Variants in ZNF782 observed in about 807,000 individuals in gnomAD.
ZNF782 encodes zinc finger protein 782.
A neutral mutation model predicts 13.0 loss-of-function variants in ZNF782; 12 were observed. The observed-to-expected ratio is 0.92, with a 90% CI of 0.59 to 1.50. The LOEUF (loss-of-function observed/expected upper bound fraction) is 1.50, where lower values mean the gene tolerates loss of function less well. Among genes scored for constraint, ZNF782 ranks in the 40% most tolerant of loss-of-function variants. ZNF782 has a pLI of 0.00. For synonymous variants in ZNF782, 284 were observed against 283.0 expected, an observed-to-expected ratio of 1.00 and a Z score of -0.04; for missense variants, 770 against 822.9, an observed-to-expected ratio of 0.94 and a Z score of 0.79.
the ZNF782 span, among the ~76,000 whole-genome samples, chr9:96,883,771 A>C: frequency 6.6e-6 from 1 of 152,242 alleles, no homozygotes; most frequent in Non-Finnish European, 1.5e-5. Context: ...CAAGCATAGC[A>C]AAACTCTGAA....
At chr9:96,903,551 T>A in the ZNF782 span, among the ~76,000 whole-genome samples, 1 of 121,614 alleles carries the variant, frequency 8.2e-6, no homozygotes, top group African/African-American at 3.4e-5. Context: ...TTTAATTTTA[T>A]GTTGGTTTTT....
chr9:96,818,652 T>C lies in ZNF782; in HGVS notation c.1371A>G (p.Lys457=). The C allele has an allele frequency of 3.7e-6, 6 of 1,614,198 alleles. No individual in the cohort carries two copies. Among genetic ancestry groups the C allele is most frequent in the Non-Finnish European group, 5.1e-6 (6 of 1,180,024 alleles). ...EKPFECHECG[K]SFNYKSILIV... Reference sequence around the variant, plus strand: ...TGAGGATTGACTTATAGTTAAAAGATTTCCCACATTCATGACATTCGAATG... The same window carrying C: ...TGAGGATTGACTTATAGTTAAAAGACTTCCCACATTCATGACATTCGAATG... Residue 457 remains lysine (K), a synonymous_variant, in exon 6 of 6, where the codon AAA becomes AAG. Coordinates refer to ENST00000481138, the MANE Select transcript of ZNF782 (RefSeq NM_001001662.3).
the ZNF782 span, among the ~76,000 whole-genome samples, chr9:96,911,902 A>T: frequency 6.6e-6 from 1 of 151,998 alleles, no homozygotes; most frequent in Non-Finnish European, 1.5e-5. Context: ...GGTTTATATG[A>T]TTTGGTTAAA....
Position 96,827,168 on chromosome 9 carries a change from T to C in ZNF782, c.156A>G (p.Thr52=). 1 of 1,610,352 alleles carries C rather than the reference T, an allele frequency of 6.2e-7. No homozygotes were observed. The highest frequency in any genetic ancestry group is 1.1e-5 in the South Asian group (1 of 90,434). The change falls in exon 5 of 6, where the codon ACA becomes ACG. Residue 52 remains threonine (T), a synonymous_variant. Coordinates refer to ENST00000481138, the MANE Select transcript of ZNF782 (RefSeq NM_001001662.3). ...CCAATGTGAAGATCAGTTCTGGTTT[T>C]GTAAAGCAGTAGCCTATAAATGGGA... is the stretch of plus-strand genomic sequence containing the variant. ...SHLVSVGYCF[T]KPELIFTLEQ... is the part of the protein sequence containing the mutation.
the ZNF782 span, chr9:96,910,145 G>T: frequency 2.5e-6 from 2 of 812,190 alleles, no homozygotes; most frequent in Non-Finnish European, 4.1e-6. Flanking sequence ...GAAGGAAGTT[G>T]TGAAAGAGGC....
chr9:96,856,367 T>C (rs1851642489), upstream of ZNF782, among the ~76,000 whole-genome samples: 1 of 152,244 alleles, frequency 6.6e-6, no homozygotes, highest in Admixed American at 6.5e-5. Context: ...GGTTATTAGA[T>C]GGGAGAACAT....
intron 1 of ZNF782, among the ~76,000 whole-genome samples, chr9:96,872,463 G>A (rs1192716619): frequency 3.3e-5 from 5 of 152,032 alleles, no homozygotes; most frequent in African/African-American, 7.2e-5. Context: ...CCTGAGGGGC[G>A]GAGGTTGCAG....
chr9:96,929,503 G>T, the ZNF782 span, among the ~76,000 whole-genome samples: 1 of 151,796 alleles, frequency 6.6e-6, no homozygotes, highest in Non-Finnish European at 1.5e-5. Flanking sequence ...GTCTCAGCCA[G>T]AAAACTGTTG....
upstream of ZNF782, among the ~76,000 whole-genome samples, chr9:96,879,625 G>A (rs937483085): frequency 2.6e-5 from 4 of 152,352 alleles, no homozygotes; most frequent in African/African-American, 7.2e-5. Flanking sequence ...CATTATCACC[G>A]CCAGGGTTGA....
chr9:96,879,249 G>A (rs1851932903), upstream of ZNF782, among the ~76,000 whole-genome samples: 1 of 152,232 alleles, frequency 6.6e-6, no homozygotes, highest in South Asian at 2.1e-4. Context: ...AGCACTTTGG[G>A]AGGCTTAGGC....
chr9:96,838,752 G>A lies in ZNF782; in HGVS notation c.142+6138C>T, dbSNP rs1322991806. ...TTTTTTGAGACAGAGTCTTGCTCTT[G>A]TTGCCCAGGCTGGAGTGCAGTGGAG... is the stretch of plus-strand genomic sequence containing the variant. On this transcript the variant is annotated intron_variant, in intron 4 of 5. Transcript: ENST00000481138. Among the ~76,000 whole-genome samples the A allele has an allele frequency of 2.2e-5, 3 of 137,536 alleles. No individual in the cohort carries two copies. In the East Asian group the frequency reaches 6.4e-4, roughly 29 times the overall value. 90.2% of individuals were successfully genotyped at this position (137,536 alleles called of 152,430 possible). A position where few individuals can be genotyped will look rare whatever the true frequency, so the allele number is the denominator to read the frequency against.
intron 1 of ZNF782, among the ~76,000 whole-genome samples, chr9:96,874,650 C>G (rs575907467): frequency 6.6e-6 from 1 of 152,318 alleles, no homozygotes; most frequent in Non-Finnish European, 1.5e-5. Flanking sequence ...GGCTATGCTC[C>G]GTCCTGTCTG....
rs2118813185 is a variant in ZNF782, at chr9:96,852,128, C to G, written c.-44-123G>C. 6.4e-6 allele frequency: 4 copies of G among 629,424 alleles called. No individual in the cohort carries two copies. In the South Asian group the frequency reaches 7.9e-5, roughly 12 times the overall value. 39.0% of individuals were successfully genotyped at this position (629,424 alleles called of 1,614,324 possible). ...TCCTAAGGTAACAGGGCCCTTCAGG[C>G]CTTGAAAAGGCATGAGAAGCACCAC... On this transcript the variant is annotated intron_variant, in intron 2 of 5. Coordinates refer to ENST00000481138, the MANE Select transcript of ZNF782 (RefSeq NM_001001662.3).
chr9:96,844,840 G>A (rs762678937), intron 4 of ZNF782, 50 bp downstream of exon 4: 1 of 1,613,066 alleles, frequency 6.2e-7, no homozygotes, highest in Non-Finnish European at 8.5e-7. Flanking sequence ...AGAAAGAGAG[G>A]AGAAACAGAA....
chr9:96,840,421 A>G (rs1323411736), intron 4 of ZNF782, among the ~76,000 whole-genome samples: 1 of 151,964 alleles, frequency 6.6e-6, no homozygotes, highest in East Asian at 1.9e-4. Context: ...TTTTCTTTGA[A>G]AAAGTAAAAA....
At position 96,850,192 on chromosome 9, in the gene ZNF782, A is replaced by G. The variant is rs576503052; in HGVS notation, c.15+1755T>C. Among the ~76,000 whole-genome samples, 346 of 152,336 alleles carry G rather than the reference A, an allele frequency of 2.3e-3. No homozygotes were observed. Among genetic ancestry groups the G allele is most frequent in the Non-Finnish European group, 4.2e-3 (286 of 68,032 alleles). On this transcript the variant is annotated intron_variant, in intron 3 of 5. Transcript: ENST00000481138. This position sits in a 1 kb window ranked among gnomAD's most constrained non-coding sequence, Gnocchi z 4.3. ...AAAGGAAAAGAAGTCATCATAAATG[A>G]AAAAGAAACCAGCACACGTTTGTAG...
chr9:96,818,548 C>A lies in ZNF782; in HGVS notation c.1475G>T (p.Gly492Val). 1 of 1,613,054 alleles carries A rather than the reference C, an allele frequency of 6.2e-7. No homozygotes were observed. Among genetic ancestry groups the A allele is most frequent in the Admixed American group, 1.7e-5 (1 of 59,960 alleles). ...ECGKSFSHMS[G>V]LRNHRRTHTG... ...GTGAGTTCTTCGGTGATTCCTTAGG[C>A]CTGACATATGGCTGAAAGATTTCCC... The change falls in exon 6 of 6, where the codon GGC (glycine) becomes GTC (valine). Residue 492 changes from glycine to valine, a missense_variant. Physicochemically the swap from Gly to Val is moderately radical, Grantham distance 109 (BLOSUM62 -3). Coordinates refer to ENST00000481138, the MANE Select transcript of ZNF782 (RefSeq NM_001001662.3).
At chr9:96,843,333 A>G (rs1206234997) in intron 4 of ZNF782, among the ~76,000 whole-genome samples, 1 of 152,304 alleles carries the variant, frequency 6.6e-6, no homozygotes, top group Non-Finnish European at 1.5e-5. Context: ...CATACAGTGA[A>G]ATACTACGTA....
chr9:96,913,336 C>T, the ZNF782 span, among the ~76,000 whole-genome samples: 14,515 of 145,462 alleles, frequency 0.1, 347 homozygotes, highest in East Asian at 0.46. Context: ...AAAATAAAAT[C>T]AAACCATTAG....
Sources: allele counts gnomAD v4.1 joint callset (sites outside exome capture counted in the v4.1 genomes callset), GRCh38; gene constraint gnomAD v4.1.1; non-coding constraint Gnocchi (gnomAD v3.1); transcripts MANE v1.5; gene names NCBI Gene and HGNC (gene_info 2026-07-23, HGNC 2026-07-21).